The following ARCN1 variants were observed in gnomAD, a reference collection of about 807,000 sequenced individuals.
ARCN1 encodes coatomer subunit delta.
Under a neutral mutation model 60.4 loss-of-function variants are expected in ARCN1, and 5 were observed. The ratio of observed to expected loss-of-function variants is 0.08; its 90% CI spans 0.04 to 0.17. The LOEUF (loss-of-function observed/expected upper bound fraction) is 0.17, where lower values mean the gene tolerates loss of function less well. Among genes scored for constraint, ARCN1 ranks in the 10% least tolerant of loss-of-function variants. The pLI is 1.00. For synonymous variants in ARCN1, 224 were observed against 220.0 expected, an observed-to-expected ratio of 1.02 and a Z score of -0.16; for missense variants, 464 against 626.5, an observed-to-expected ratio of 0.74 and a Z score of 2.77.
In ARCN1 at chr11:118,601,494, ACATT is replaced by A. The variant is rs1255766470; in HGVS notation, c.*783_*786del. On this transcript the variant is annotated 3_prime_UTR_variant, in exon 10 of 10. Transcript: ENST00000264028. ...TTTACCTTTAGGTTTTTCTTTCTATACATTCAGTCAGGCACTGGGATCATCTGTT... is the reference window on the plus strand; with the variant it reads ...TTTACCTTTAGGTTTTTCTTTCTATACAGTCAGGCACTGGGATCATCTGTT... The A allele has an allele frequency of 1.6e-6, 1 of 618,624 alleles. No individual in the cohort carries two copies. 38.3% of individuals were successfully genotyped at this position (618,624 alleles called of 1,614,324 possible).
chr11:118,592,930 T>C, intron 7 of ARCN1, 74 bp downstream of exon 7: 1 of 1,406,630 alleles, frequency 7.1e-7, no homozygotes, highest in African/African-American at 1.4e-5. Flanking sequence ...GGTACACTTT[T>C]ATTTTTATTA....
intron 1 of ARCN1, among the ~76,000 whole-genome samples, chr11:118,579,966 T>C (rs1938615072): frequency 6.6e-6 from 1 of 152,170 alleles, no homozygotes; most frequent in African/African-American, 2.4e-5. Context: ...AAAACCCATT[T>C]ATATAATATT....
At chr11:118,593,556 A>G (rs782096779) in intron 7 of ARCN1, 34 bp from the exon 8 acceptor site, 2 of 1,483,692 alleles carry the variant, frequency 1.3e-6, no homozygotes, top group African/African-American at 1.4e-5. Context: ...TCTTTTTCTA[A>G]TATTCTAGTA....
At chr11:118,591,182 G>A (rs995564573) in intron 6 of ARCN1, among the ~76,000 whole-genome samples, 2 of 152,142 alleles carry the variant, frequency 1.3e-5, no homozygotes, top group Non-Finnish European at 2.9e-5. Flanking sequence ...ATATATATAA[G>A]CCCTGCTTTA....
chr11:118,593,530 C>G (rs1258063503), intron 7 of ARCN1, 60 bp from the exon 8 acceptor site: 2 of 1,201,108 alleles, frequency 1.7e-6, no homozygotes, highest in African/African-American at 3.0e-5. Context: ...CAGGCATGAG[C>G]CACTGCACCC....
intron 1 of ARCN1, among the ~76,000 whole-genome samples, chr11:118,575,940 A>T (rs1431048893): frequency 3.3e-5 from 5 of 151,758 alleles, no homozygotes; most frequent in African/African-American, 1.2e-4. Context: ...TGGGTATAAA[A>T]TGGAAGTATT....
At chr11:118,578,191 A>G (rs1938568325) in intron 1 of ARCN1, among the ~76,000 whole-genome samples, 1 of 151,334 alleles carries the variant, frequency 6.6e-6, no homozygotes. Context: ...AAATAAATAA[A>G]TAAATAAATA....
At chr11:118,600,205 T>A (rs530902905) in intron 9 of ARCN1, among the ~76,000 whole-genome samples, 1 of 152,344 alleles carries the variant, frequency 6.6e-6, no homozygotes, top group South Asian at 2.1e-4. Context: ...TAGAGCAGCT[T>A]ACTGGGACTT....
At chr11:118,584,377 C>T in intron 4 of ARCN1, 103 bp from the exon 5 acceptor site, 1 of 1,055,852 alleles carries the variant, frequency 9.5e-7, no homozygotes, top group Non-Finnish European at 1.3e-6. Flanking sequence ...AAATTTTGTG[C>T]ACAGGTGTAT....
At chr11:118,594,622 T>G (rs1326414010) in intron 8 of ARCN1, among the ~76,000 whole-genome samples, 1 of 152,172 alleles carries the variant, frequency 6.6e-6, no homozygotes, top group African/African-American at 2.4e-5. Flanking sequence ...TGATCTCGGC[T>G]CACTGCAACC....
chr11:118,581,966 A>ACACACACACACACACACACACACACACC, intron 2 of ARCN1, among the ~76,000 whole-genome samples: 2 of 150,018 alleles, frequency 1.3e-5, no homozygotes, highest in South Asian at 2.1e-4. Context: ...ACACACACAC[A>ACACACACACACACACACACACACACACC]CCTTTTAAGA....
chr11:118,575,449 G>T (rs936838636), intron 1 of ARCN1, among the ~76,000 whole-genome samples: 1 of 146,198 alleles, frequency 6.8e-6, no homozygotes, highest in African/African-American at 2.6e-5. Context: ...TTAATTCTCT[G>T]CAAGCTTTTG....
intron 5 of ARCN1, among the ~76,000 whole-genome samples, chr11:118,588,422 G>C (rs949265295): frequency 4.6e-5 from 7 of 152,162 alleles, no homozygotes; most frequent in African/African-American, 1.4e-4. Flanking sequence ...AGGGATATGG[G>C]AGTTATGAGC....
intron 1 of ARCN1, among the ~76,000 whole-genome samples, chr11:118,578,615 A>C (rs1938577350): frequency 6.6e-6 from 1 of 152,160 alleles, no homozygotes; most frequent in Non-Finnish European, 1.5e-5. Flanking sequence ...TTCTCATCGC[A>C]TGAGGGGATT....
At chr11:118,577,437 A>G (rs1422063900) in intron 1 of ARCN1, among the ~76,000 whole-genome samples, 2 of 151,976 alleles carry the variant, frequency 1.3e-5, no homozygotes, top group East Asian at 1.9e-4. Flanking sequence ...TGGTAGAGAC[A>G]GGGTTTTCCC....
Position 118,597,733 on chromosome 11 carries a change from G to A in ARCN1, c.1268G>A (p.Gly423Asp), listed in dbSNP as rs1211903396. The A allele has an allele frequency of 2.5e-6, 4 of 1,614,044 alleles. No individual in the cohort carries two copies. Among genetic ancestry groups the A allele is most frequent in the Non-Finnish European group, 3.4e-6 (4 of 1,180,050 alleles). Reference sequence around the variant, plus strand: ...TCTGGTGTCGGCGCGCCTGTTATCGGTGAGATCGATGGGGAGTATCGACAT... The same window carrying A: ...TCTGGTGTCGGCGCGCCTGTTATCGATGAGATCGATGGGGAGTATCGACAT... ...LPSGVGAPVI[G>D]EIDGEYRHDS... The change falls in exon 9 of 10, where the codon GGT becomes GAT. Residue 423 changes from glycine to aspartate, a missense_variant. Gly to Asp is a moderately conservative substitution (Grantham distance 94, BLOSUM62 -1). Coordinates refer to ENST00000264028, the MANE Select transcript of ARCN1 (RefSeq NM_001655.5).
Position 118,580,674 on chromosome 11 carries a change from T to C in ARCN1, c.4-572T>C, listed in dbSNP as rs569901385. On this transcript the variant is annotated intron_variant, in intron 1 of 9. Transcript: ENST00000264028. ...TTATACATTGTGATTGATTGACATGTCTAAGTCTCTTAATGTGTTTGTATT... is the reference window on the plus strand; with the variant it reads ...TTATACATTGTGATTGATTGACATGCCTAAGTCTCTTAATGTGTTTGTATT... 2.1e-4 allele frequency among the ~76,000 whole-genome samples: 32 copies of C among 152,258 alleles called. 1 individual carries two copies. In the South Asian group the frequency reaches 6.4e-3, roughly 31 times the overall value.
At chr11:118,598,874 G>A (rs1382950954) in intron 9 of ARCN1, among the ~76,000 whole-genome samples, 4 of 151,756 alleles carry the variant, frequency 2.6e-5, no homozygotes, top group Non-Finnish European at 5.9e-5. Flanking sequence ...TCGGCCCACT[G>A]CAACCTCTGC....
rs539637701 is a variant in ARCN1, at chr11:118,587,365, C to T, written c.818+2721C>T. The stretch of plus-strand genomic sequence containing the variant: ...CTGTGATATACAGATGAATAAAAAA[C>T]ATGTATACAGTGTGTCTATTTTTCC... On this transcript the variant is annotated intron_variant, in intron 5 of 9. Transcript: ENST00000264028. 2.0e-5 allele frequency among the ~76,000 whole-genome samples: 3 copies of T among 152,244 alleles called. No homozygotes were observed. In the South Asian group the frequency reaches 6.2e-4, roughly 32 times the overall value.
Sources: gnomAD v4.1 joint callset for allele counts (sites outside exome capture counted in the v4.1 genomes callset) on GRCh38, gnomAD v4.1.1 for gene constraint, MANE v1.5 for transcripts, NCBI Gene and HGNC (gene_info 2026-07-23, HGNC 2026-07-21) for gene names.